The following TRPC6 variants were observed in gnomAD, a reference collection of about 807,000 sequenced individuals.
TRPC6 encodes the protein transient receptor potential cation channel subfamily C member 6.
A neutral mutation model predicts 90.7 loss-of-function variants in TRPC6; 55 were observed. The observed-to-expected ratio is 0.61, with a 90% CI of 0.49 to 0.76. The LOEUF is 0.76. Among genes scored for constraint, TRPC6 ranks in the 30% least tolerant of loss-of-function variants. The pLI, the probability that TRPC6 is intolerant of heterozygous loss-of-function variation, is 0.00. For synonymous variants in TRPC6, 393 were observed against 393.0 expected, an observed-to-expected ratio of 1.00 and a Z score of 0.00; for missense variants, 989 against 1,122.7, an observed-to-expected ratio of 0.88 and a Z score of 1.70.
chr11:101,460,477 T>A (rs1858980269), intron 10 of TRPC6, among the ~76,000 whole-genome samples: 1 of 152,234 alleles, frequency 6.6e-6, no homozygotes, highest in African/African-American at 2.4e-5. Context: ...ATTTTTGATG[T>A]TTTTATTTAA....
chr11:101,544,721 G>A (rs956340180), intron 1 of TRPC6, among the ~76,000 whole-genome samples: 2 of 151,988 alleles, frequency 1.3e-5, no homozygotes, highest in Admixed American at 6.6e-5. Context: ...CACACACTGG[G>A]GCCTGTTGGG....
chr11:101,519,326 C>A (rs1193407855), intron 1 of TRPC6, among the ~76,000 whole-genome samples: 1 of 147,712 alleles, frequency 6.8e-6, no homozygotes, highest in Non-Finnish European at 1.5e-5. Context: ...CACCTATGTA[C>A]CCACAAAAAT....
intron 1 of TRPC6, among the ~76,000 whole-genome samples, chr11:101,558,795 G>A (rs1415117145): frequency 6.6e-6 from 1 of 152,142 alleles, no homozygotes; most frequent in Non-Finnish European, 1.5e-5. Flanking sequence ...GATAAATGGT[G>A]TTCAGAAAAC....
chr11:101,525,672 G>GTGTA (rs1420977106), intron 1 of TRPC6, among the ~76,000 whole-genome samples: 1 of 152,220 alleles, frequency 6.6e-6, no homozygotes, highest in Non-Finnish European at 1.5e-5. Context: ...CACTTTGACA[G>GTGTA]TCAAGTACAA....
intron 1 of TRPC6, among the ~76,000 whole-genome samples, chr11:101,546,423 A>T (rs1289584182): frequency 6.6e-6 from 1 of 152,154 alleles, no homozygotes; most frequent in Non-Finnish European, 1.5e-5. Flanking sequence ...AACCACTGCA[A>T]AGATTTCAAG....
At chr11:101,476,238 C>T (rs1591070330) in intron 6 of TRPC6, 63 bp downstream of exon 6, 1 of 1,384,042 alleles carries the variant, frequency 7.2e-7, no homozygotes. Context: ...CGAACTACTA[C>T]TGACATCTGT....
chr11:101,491,735 C>A lies in TRPC6; in HGVS notation c.949G>T (p.Asp317Tyr), dbSNP rs1859818177. Reference sequence around the variant, plus strand: ...CACTGCATTGACAGTTTTTTGTAGTCATTCTAGGAAAAACAAAGCAAAACA... The same window carrying A: ...CACTGCATTGACAGTTTTTTGTAGTAATTCTAGGAAAAACAAAGCAAAACA... ...LANIEKEFKN[D>Y]YKKLSMQCKD... The change falls in exon 3 of 13, where the codon GAC (aspartate) becomes TAC (tyrosine). Residue 317 changes from aspartate to tyrosine, a missense_variant. By Grantham distance (160) the Asp-to-Tyr change is radical (BLOSUM62 -3). Transcript: ENST00000344327. The A allele has an allele frequency of 6.2e-7, 1 of 1,609,938 alleles. No homozygotes were observed. The highest frequency in any genetic ancestry group is 1.1e-5 in the South Asian group (1 of 90,978).
At chr11:101,579,490 T>G (rs1565255245) in intron 1 of TRPC6, among the ~76,000 whole-genome samples, 1 of 152,196 alleles carries the variant, frequency 6.6e-6, no homozygotes, top group Non-Finnish European at 1.5e-5. Context: ...TGTGTTTTGT[T>G]ATTCATTATA....
intron 1 of TRPC6, among the ~76,000 whole-genome samples, chr11:101,579,648 A>G (rs1371157397): frequency 2.0e-5 from 3 of 152,202 alleles, no homozygotes; most frequent in African/African-American, 7.2e-5. Flanking sequence ...TAGGCTAGTT[A>G]GGTAGGGTAT....
At chr11:101,492,434 A>T (rs2136709665) in intron 2 of TRPC6, among the ~76,000 whole-genome samples, 1 of 152,130 alleles carries the variant, frequency 6.6e-6, no homozygotes, top group South Asian at 2.1e-4. Flanking sequence ...ATACAGAAAA[A>T]ATTAGCCGGG....
intron 1 of TRPC6, among the ~76,000 whole-genome samples, chr11:101,558,412 TAC>T (rs71056629): frequency 0.14 from 11,343 of 81,472 alleles, 3,656 homozygotes; most frequent in East Asian, 0.3. Flanking sequence ...CACACACATA[TAC>T]ACACACACAT....
At chr11:101,579,714 T>C (rs1862150685) in intron 1 of TRPC6, among the ~76,000 whole-genome samples, 2 of 152,216 alleles carry the variant, frequency 1.3e-5, no homozygotes, top group Non-Finnish European at 2.9e-5. Flanking sequence ...TTCTTCTTAC[T>C]GTTAAAGTTT....
chr11:101,483,413 T>C (rs532098558), intron 4 of TRPC6, among the ~76,000 whole-genome samples: 1 of 152,290 alleles, frequency 6.6e-6, no homozygotes, highest in African/African-American at 2.4e-5. Context: ...ATAAAGGATA[T>C]TTAAATTCTT....
intron 2 of TRPC6, among the ~76,000 whole-genome samples, chr11:101,496,094 G>C (rs1311575080): frequency 6.6e-6 from 1 of 152,074 alleles, no homozygotes; most frequent in Non-Finnish European, 1.5e-5. Context: ...GAGAGAGAGA[G>C]AGAGAGTGAA....
intron 1 of TRPC6, among the ~76,000 whole-genome samples, chr11:101,545,123 C>T (rs1343439157): frequency 6.6e-6 from 1 of 152,102 alleles, no homozygotes; most frequent in African/African-American, 2.4e-5. Context: ...CACACATAAA[C>T]ACAAACATCA....
Position 101,583,326 on chromosome 11 carries a change from G to A in TRPC6, c.170+8C>T. ...GCGCCCGATCCGCCCCGCGTCGCCG[G>A]CACTCACAAGCAGGGGTAGTAGCCG... On this transcript the variant is annotated splice_region_variant and intron_variant, in intron 1 of 12. Coordinates refer to ENST00000344327, the MANE Select transcript of TRPC6 (RefSeq NM_004621.6). 2.5e-6 allele frequency: 4 copies of A among 1,577,622 alleles called. No homozygotes were observed. The highest frequency in any genetic ancestry group is 1.8e-5 in the Admixed American group (1 of 56,998).
intron 10 of TRPC6, among the ~76,000 whole-genome samples, chr11:101,462,280 G>T (rs1174291352): frequency 6.6e-6 from 1 of 152,178 alleles, no homozygotes; most frequent in Non-Finnish European, 1.5e-5. Context: ...GCTTAGGATT[G>T]TCTAGGCTAT....
At chr11:101,513,698 T>A (rs1286468643) in intron 1 of TRPC6, among the ~76,000 whole-genome samples, 1 of 152,164 alleles carries the variant, frequency 6.6e-6, no homozygotes, top group African/African-American at 2.4e-5. Context: ...ACATTCAAGT[T>A]CATGCAGTCC....
intron 1 of TRPC6, among the ~76,000 whole-genome samples, chr11:101,555,136 T>C (rs775371428): frequency 7.2e-5 from 11 of 152,178 alleles, no homozygotes; most frequent in Non-Finnish European, 1.3e-4. Flanking sequence ...TGGGAGCTCA[T>C]CCTCTTGTGA....
Sources: allele counts gnomAD v4.1 joint callset (sites outside exome capture counted in the v4.1 genomes callset), GRCh38; gene constraint gnomAD v4.1.1; transcripts MANE v1.5; gene names NCBI Gene and HGNC (gene_info 2026-07-23, HGNC 2026-07-21).